ITGB6: variants seen among roughly 807,000 people sequenced by gnomAD.
ITGB6 encodes the protein integrin subunit beta 6.
In ITGB6, 80 loss-of-function variants were observed where a neutral mutation model predicts 84.5. The ratio of observed to expected loss-of-function variants is 0.95; its 90% CI spans 0.79 to 1.14. The LOEUF (loss-of-function observed/expected upper bound fraction) is 1.14. ITGB6 is among the 50% of genes most tolerant of loss of function. The pLI, the probability that ITGB6 is intolerant of heterozygous loss-of-function variation, is 0.00. For synonymous variants in ITGB6, 383 were observed against 354.9 expected, an observed-to-expected ratio of 1.08 and a Z score of -0.89; for missense variants, 1,006 against 968.0, an observed-to-expected ratio of 1.04 and a Z score of -0.52.
At chr2:160,102,274 C>T (rs762567259) in intron 14 of ITGB6, among the ~76,000 whole-genome samples, 11 of 152,084 alleles carry the variant, frequency 7.2e-5, no homozygotes, top group Non-Finnish European at 1.5e-4. Flanking sequence ...CAAAAATGAA[C>T]GACACAGTAT....
At chr2:160,113,662 T>G (rs184863101) in intron 12 of ITGB6, among the ~76,000 whole-genome samples, 25 of 152,352 alleles carry the variant, frequency 1.6e-4, no homozygotes, top group Middle Eastern at 3.4e-3. Context: ...CCTTGGGTAT[T>G]CTGATTTGAG....
chr2:160,161,868 G>A (rs2105853137), intron 7 of ITGB6, among the ~76,000 whole-genome samples: 1 of 152,266 alleles, frequency 6.6e-6, no homozygotes, highest in Non-Finnish European at 1.5e-5. Flanking sequence ...CCATTCCCCT[G>A]TGACCCAAGG....
chr2:160,184,950 C>T (rs1685835407), intron 4 of ITGB6, among the ~76,000 whole-genome samples: 3 of 152,166 alleles, frequency 2.0e-5, no homozygotes, highest in African/African-American at 7.2e-5. Context: ...TAAAAACTCT[C>T]AATAAACTAG....
intron 7 of ITGB6, 115 bp from the exon 8 acceptor site, chr2:160,142,186 T>C: frequency 1.6e-6 from 1 of 625,264 alleles, no homozygotes; most frequent in Non-Finnish European, 2.8e-6. Context: ...GGAAAACAGG[T>C]TCGTGATAAC....
At chr2:160,190,257 T>C (rs1167594243) in intron 4 of ITGB6, among the ~76,000 whole-genome samples, 5 of 151,170 alleles carry the variant, frequency 3.3e-5, no homozygotes. Context: ...TAATGCTAAA[T>C]GACGAGTTAA....
chr2:160,171,997 A>G (rs1685223129), intron 6 of ITGB6, among the ~76,000 whole-genome samples: 1 of 152,244 alleles, frequency 6.6e-6, no homozygotes, highest in South Asian at 2.1e-4. Context: ...GCAGCTGGAT[A>G]CATAGGGGTC....
chr2:160,119,785 T>A (rs1380276999), intron 12 of ITGB6, among the ~76,000 whole-genome samples: 4 of 151,742 alleles, frequency 2.6e-5, no homozygotes. Flanking sequence ...AGGGCTAATA[T>A]CCAGAATCTA....
In ITGB6 at chr2:160,121,545, G is replaced by T. The variant is rs191493046; in HGVS notation, c.1981+2246C>A. 4.6e-5 allele frequency among the ~76,000 whole-genome samples: 7 copies of T among 152,302 alleles called. No individual in the cohort carries two copies. In the East Asian group the frequency reaches 1.2e-3, roughly 25 times the overall value. ...CATGCCTGTAATCCCAGCAATTTGG[G>T]AGGCTGAGGCGGGCAGATGCCTTGA... is the stretch of plus-strand genomic sequence containing the variant. On this transcript the variant is annotated intron_variant, in intron 12 of 14. Transcript: ENST00000283249.
intron 13 of ITGB6, among the ~76,000 whole-genome samples, chr2:160,109,154 C>T (rs116562858): frequency 0.025 from 3,730 of 152,228 alleles, 143 homozygotes; most frequent in African/African-American, 0.085. Flanking sequence ...CTGAGTGGGG[C>T]TAATTACCCA....
intron 6 of ITGB6, 96 bp downstream of exon 6, chr2:160,172,473 T>G: frequency 8.3e-7 from 1 of 1,198,646 alleles, no homozygotes; most frequent in Non-Finnish European, 1.2e-6. Flanking sequence ...TGCACTGCTT[T>G]CACCAAGTGT....
At position 160,101,611 on chromosome 2, in the gene ITGB6, T is replaced by G; in HGVS notation, c.*125A>C. On this transcript the variant is annotated 3_prime_UTR_variant, in exon 15 of 15. Coordinates refer to ENST00000283249, the MANE Select transcript of ITGB6 (RefSeq NM_000888.5). ...TGTCACCTTCATGTAGAGGATGACTTATCTGCAGATGTCCTATTATTATCT... is the reference window on the plus strand; with the variant it reads ...TGTCACCTTCATGTAGAGGATGACTGATCTGCAGATGTCCTATTATTATCT... The G allele has an allele frequency of 1.5e-6, 1 of 673,280 alleles. No individual in the cohort carries two copies. The highest frequency in any genetic ancestry group is 2.7e-6 in the Non-Finnish European group (1 of 375,094). The allele number at this position is 673,280 out of a possible 1,614,324, so 41.7% of individuals were successfully genotyped here. A position where few individuals can be genotyped will look rare whatever the true frequency, so the allele number is the denominator to read the frequency against.
At chr2:160,123,217 G>C (rs1166260910) in intron 12 of ITGB6, among the ~76,000 whole-genome samples, 1 of 152,194 alleles carries the variant, frequency 6.6e-6, no homozygotes, top group African/African-American at 2.4e-5. Flanking sequence ...AGCCGTTAAA[G>C]AGAATAGGTC....
At chr2:160,165,283 T>C (rs1273370428) in intron 7 of ITGB6, among the ~76,000 whole-genome samples, 1 of 152,214 alleles carries the variant, frequency 6.6e-6, no homozygotes, top group African/African-American at 2.4e-5. Flanking sequence ...TTGGAATTCA[T>C]GGTAATTTCC....
intron 10 of ITGB6, among the ~76,000 whole-genome samples, chr2:160,129,916 ATG>A (rs201925614): frequency 2.0e-5 from 3 of 151,890 alleles, no homozygotes; most frequent in Non-Finnish European, 4.4e-5. Flanking sequence ...GTATATATAT[ATG>A]TGTGTGTGTA....
At chr2:160,135,993 A>G (rs1482371734) in intron 10 of ITGB6, among the ~76,000 whole-genome samples, 8 of 152,298 alleles carry the variant, frequency 5.3e-5, no homozygotes, top group African/African-American at 1.7e-4. Flanking sequence ...CATAGGCATG[A>G]GCAAGGACTT....
chr2:160,176,123 C>T lies in ITGB6; in HGVS notation c.594-1984G>A, dbSNP rs116403289. ...CAGAACTAGGGGAAATGGAGGAACC[C>T]AGCACTGAATGGCATAGCCCAATAT... On this transcript the variant is annotated intron_variant, in intron 4 of 14. Transcript: ENST00000283249. 7.0e-3 allele frequency among the ~76,000 whole-genome samples: 1,065 copies of T among 152,292 alleles called. 16 individuals carry two copies. Among genetic ancestry groups the T allele is most frequent in the African/African-American group, 0.025 (1,027 of 41,556 alleles).
In ITGB6 at chr2:160,195,515, G is replaced by A. The variant is rs774332076; in HGVS notation, c.447C>T (p.Leu149=). The change falls in exon 4 of 15, where the codon CTC becomes CTT. Residue 149 remains leucine (L), a synonymous_variant. Coordinates refer to ENST00000283249, the MANE Select transcript of ITGB6 (RefSeq NM_000888.5). Reference sequence around the variant, plus strand: ...GGGAGCCCAGCTCCTTTATTGTGTTGAGGTCGTCATCCATGGAGGCGGAGA... The same window carrying A: ...GGGAGCCCAGCTCCTTTATTGTGTTAAGGTCGTCATCCATGGAGGCGGAGA... ...MDLSASMDDD[L]NTIKELGSRL... The A allele has an allele frequency of 3.7e-6, 6 of 1,614,046 alleles. No individual in the cohort carries two copies. In the Admixed American group the frequency reaches 8.3e-5, roughly 22 times the overall value.
intron 12 of ITGB6, among the ~76,000 whole-genome samples, chr2:160,121,020 C>T (rs551567450): frequency 7.3e-5 from 11 of 151,110 alleles, no homozygotes; most frequent in Admixed American, 4.6e-4. Flanking sequence ...TGTAACAAAC[C>T]TGCACATTGT....
chr2:160,159,098 C>CAA (rs71408116), intron 7 of ITGB6, among the ~76,000 whole-genome samples: 7 of 107,872 alleles, frequency 6.5e-5, no homozygotes, highest in East Asian at 2.9e-4. Flanking sequence ...GACTCCATCT[C>CAA]AAAAAAAAAA....
Sources: allele counts gnomAD v4.1 joint callset (sites outside exome capture counted in the v4.1 genomes callset), GRCh38; gene constraint gnomAD v4.1.1; transcripts MANE v1.5; gene names NCBI Gene and HGNC (gene_info 2026-07-23, HGNC 2026-07-21).